The following VSTM2L variants were observed in gnomAD, a reference collection of about 807,000 sequenced individuals.
VSTM2L encodes the protein V-set and transmembrane domain-containing protein 2-like protein.
VSTM2L carries 9 observed loss-of-function variants against 19.9 expected under a neutral mutation model. The ratio of observed to expected loss-of-function variants is 0.45; its 90% CI spans 0.27 to 0.79. The LOEUF (loss-of-function observed/expected upper bound fraction) is 0.79, where lower values mean the gene tolerates loss of function less well. Among genes scored for constraint, VSTM2L ranks in the 30% least tolerant of loss-of-function variants. The probability of loss-of-function intolerance (pLI) is 0.15; values close to 1 mark genes in which losing one functional copy is unlikely to be tolerated. For synonymous variants in VSTM2L, 127 were observed against 133.8 expected, an observed-to-expected ratio of 0.95 and a Z score of 0.35; for missense variants, 286 against 295.5, an observed-to-expected ratio of 0.97 and a Z score of 0.24.
rs374736276 is a variant in VSTM2L, at chr20:37,914,388, G to A, written c.121+10917G>A. ...TATATATGTGTGTGGGTGTATGTGT[G>A]GGTGTGTGTATGTATGTGTGGGTAT... On this transcript the variant is annotated intron_variant, in intron 1 of 3. Coordinates refer to ENST00000373461, the MANE Select transcript of VSTM2L (RefSeq NM_080607.3). 1.7e-4 allele frequency among the ~76,000 whole-genome samples: 25 copies of A among 149,292 alleles called. No individual in the cohort carries two copies. The East Asian group carries it at 5.0e-3, about 30-fold the overall frequency.
intron 1 of VSTM2L, among the ~76,000 whole-genome samples, chr20:37,909,986 T>C (rs568296602): frequency 2.0e-3 from 310 of 152,264 alleles, no homozygotes; most frequent in African/African-American, 7.1e-3. Context: ...CAGGCCTCCC[T>C]TCCCTTCCTT....
At chr20:37,935,450 G>A (rs2072934030) in intron 3 of VSTM2L, among the ~76,000 whole-genome samples, 1 of 152,110 alleles carries the variant, frequency 6.6e-6, no homozygotes. Context: ...CCACCCTCCA[G>A]CCTCACCTCT....
intron 1 of VSTM2L, among the ~76,000 whole-genome samples, chr20:37,916,203 C>T (rs139479128): frequency 6.6e-6 from 1 of 152,248 alleles, no homozygotes; most frequent in African/African-American, 2.4e-5. Flanking sequence ...AATGGGCTCA[C>T]CCCACTAGCT....
intron 3 of VSTM2L, among the ~76,000 whole-genome samples, chr20:37,938,840 G>A (rs920792566): frequency 6.6e-6 from 1 of 152,176 alleles, no homozygotes; most frequent in Non-Finnish European, 1.5e-5. Context: ...GAAATCCAAC[G>A]GGCTGCTCCT....
At chr20:37,925,749 G>A (rs2072875891) in intron 1 of VSTM2L, among the ~76,000 whole-genome samples, 1 of 152,114 alleles carries the variant, frequency 6.6e-6, no homozygotes, top group Non-Finnish European at 1.5e-5. Flanking sequence ...GAAGCCCTGG[G>A]ACCACAGCCC....
rs1053843995 is a variant in VSTM2L at position 37,903,291 on chromosome 20, G to T, written c.-60G>T. The T allele has an allele frequency of 3.0e-6, 4 of 1,346,436 alleles. No individual in the cohort carries two copies. Among genetic ancestry groups the T allele is most frequent in the Non-Finnish European group, 1.9e-6 (2 of 1,054,756 alleles). The allele number at this position is 1,346,436 out of a possible 1,614,324, so 83.4% of individuals were successfully genotyped here. A position where few individuals can be genotyped will look rare whatever the true frequency, so the allele number is the denominator to read the frequency against. ...TCAGGGCAGGGGACAGCTGGCGCCGGTTCTGCGGTCTCCGGGGCCCAGATG... is the reference window on the plus strand; with the variant it reads ...TCAGGGCAGGGGACAGCTGGCGCCGTTTCTGCGGTCTCCGGGGCCCAGATG... On this transcript the variant is annotated 5_prime_UTR_variant, in exon 1 of 4. Transcript: ENST00000373461.
At chr20:37,942,836 A>G (rs1458496955) in intron 3 of VSTM2L, among the ~76,000 whole-genome samples, 3 of 152,278 alleles carry the variant, frequency 2.0e-5, no homozygotes, top group Non-Finnish European at 4.4e-5. Context: ...ACAAAAAGTC[A>G]AAGTACAAAG....
chr20:37,905,098 G>C (rs2072744128), intron 1 of VSTM2L, among the ~76,000 whole-genome samples: 1 of 152,070 alleles, frequency 6.6e-6, no homozygotes, highest in African/African-American at 2.4e-5. Context: ...GTCAGGCAAA[G>C]ACAGCGCTTT....
chr20:37,919,488 T>C (rs549750576), intron 1 of VSTM2L, among the ~76,000 whole-genome samples: 1 of 152,340 alleles, frequency 6.6e-6, no homozygotes, highest in African/African-American at 2.4e-5. Flanking sequence ...GGTTTTCTTC[T>C]TATGGGGATT....
At chr20:37,929,021 A>C (rs980811539) in intron 1 of VSTM2L, among the ~76,000 whole-genome samples, 1 of 152,176 alleles carries the variant, frequency 6.6e-6, no homozygotes, top group African/African-American at 2.4e-5. Flanking sequence ...GTTACAGGAC[A>C]CCCTCCTCAT....
At chr20:37,924,676 TCAGCAG>T (rs35987672) in intron 1 of VSTM2L, among the ~76,000 whole-genome samples, 3 of 151,592 alleles carry the variant, frequency 2.0e-5, no homozygotes, top group Non-Finnish European at 2.9e-5. Flanking sequence ...ATCATCATAA[TCAGCAG>T]CAGCAGCAGC....
At chr20:37,921,732 T>C (rs2072852072) in intron 1 of VSTM2L, among the ~76,000 whole-genome samples, 1 of 150,416 alleles carries the variant, frequency 6.6e-6, no homozygotes, top group South Asian at 2.1e-4. Context: ...ACTGAGGAGG[T>C]GACATTGGAG....
At chr20:37,916,223 G>A (rs2072817787) in intron 1 of VSTM2L, among the ~76,000 whole-genome samples, 1 of 152,222 alleles carries the variant, frequency 6.6e-6, no homozygotes, top group Non-Finnish European at 1.5e-5. Flanking sequence ...TTTGCAGGAT[G>A]TACTGGGGAG....
At chr20:37,906,408 A>G (rs555710829) in intron 1 of VSTM2L, among the ~76,000 whole-genome samples, 1 of 152,260 alleles carries the variant, frequency 6.6e-6, no homozygotes, top group South Asian at 2.1e-4. Flanking sequence ...AACAGGAGTG[A>G]TTTTGATTTT....
At chr20:37,903,966 G>A (rs1297985920) in intron 1 of VSTM2L, among the ~76,000 whole-genome samples, 1 of 151,954 alleles carries the variant, frequency 6.6e-6, no homozygotes, top group Non-Finnish European at 1.5e-5. Context: ...CACACACACA[G>A]GCACACACAT....
chr20:37,937,144 C>T (rs568533491), intron 3 of VSTM2L, among the ~76,000 whole-genome samples: 2 of 152,040 alleles, frequency 1.3e-5, no homozygotes, highest in Non-Finnish European at 2.9e-5. Context: ...TCGCTTGAAC[C>T]CAGGAGGCAG....
chr20:37,922,725 CA>C (rs2072858564), intron 1 of VSTM2L, among the ~76,000 whole-genome samples: 1 of 152,046 alleles, frequency 6.6e-6, no homozygotes, highest in Non-Finnish European at 1.5e-5. Flanking sequence ...AGGGCTGGAC[CA>C]GGGGGTCTGG....
rs927195968 is a variant in VSTM2L at position 37,903,189 on chromosome 20, G to A, written c.-162G>A. ...CCGAAGCCGGGGCTGGGCCGGAGCC[G>A]GGCGAGGGCTGGGAGCTGGGCCGGG... On this transcript the variant is annotated 5_prime_UTR_variant, in exon 1 of 4. Coordinates refer to ENST00000373461, the MANE Select transcript of VSTM2L (RefSeq NM_080607.3). The A allele has an allele frequency of 3.1e-6, 3 of 973,986 alleles. No individual in the cohort carries two copies. Among genetic ancestry groups the A allele is most frequent in the Non-Finnish European group, 3.9e-6 (3 of 764,224 alleles). The allele number at this position is 973,986 out of a possible 1,614,324, so 60.3% of individuals were successfully genotyped here. A position where few individuals can be genotyped will look rare whatever the true frequency, so the allele number is the denominator to read the frequency against.
intron 1 of VSTM2L, among the ~76,000 whole-genome samples, chr20:37,919,101 C>T (rs2072836167): frequency 6.6e-6 from 1 of 152,152 alleles, no homozygotes; most frequent in Admixed American, 6.5e-5. Context: ...AAGCCTGGCA[C>T]GGGGCCTGGC....
Sources: allele counts gnomAD v4.1 joint callset (sites outside exome capture counted in the v4.1 genomes callset), GRCh38; gene constraint gnomAD v4.1.1; transcripts MANE v1.5; gene names NCBI Gene and HGNC (gene_info 2026-07-23, HGNC 2026-07-21).